The following SAMMSON variants were observed in gnomAD, a reference collection of about 807,000 sequenced individuals.
SAMMSON encodes the protein survival associated mitochondrial melanoma specific oncogenic non-coding RNA.
chr3:70,130,597 G>A lies in SAMMSON; in HGVS notation n.507+59032G>A, dbSNP rs548147903. Among the ~76,000 whole-genome samples, 29 of 152,204 alleles carry A rather than the reference G, an allele frequency of 1.9e-4. No homozygotes were observed. The East Asian group carries it at 4.5e-3, about 23-fold the overall frequency. On this transcript the variant is annotated intron_variant and non_coding_transcript_variant, in intron 4 of 9. Transcript: ENST00000642114. ...GACTTCTGAAGTTAGCACATCAAAG[G>A]TGATGTGGCTTCTGCTTGGCCCTCA...
At chr3:70,022,077 C>T (rs374017461) in intron 3 of SAMMSON, among the ~76,000 whole-genome samples, 15 of 152,106 alleles carry the variant, frequency 9.9e-5, no homozygotes, top group African/African-American at 2.4e-4. Context: ...AACATCTTAA[C>T]GAGAAGGGCC....
intron 9 of SAMMSON, among the ~76,000 whole-genome samples, chr3:70,362,567 G>A (rs531239623): frequency 1.3e-5 from 2 of 151,716 alleles, no homozygotes; most frequent in Admixed American, 6.6e-5. Flanking sequence ...AACAGATAAA[G>A]GCAGAGACTG....
chr3:70,277,204 C>A (rs191455640), intron 6 of SAMMSON, among the ~76,000 whole-genome samples: 2 of 152,084 alleles, frequency 1.3e-5, no homozygotes, highest in African/African-American at 4.8e-5. Flanking sequence ...GAACATAGCC[C>A]GTATCTCCAG....
intron 9 of SAMMSON, among the ~76,000 whole-genome samples, chr3:70,362,826 A>G (rs1702883870): frequency 3.1e-5 from 4 of 130,942 alleles, no homozygotes; most frequent in African/African-American, 1.2e-4. Flanking sequence ...TTTTTTCTCC[A>G]GTGGCTGCTT....
At chr3:70,164,949 T>C (rs2067631098) in intron 4 of SAMMSON, among the ~76,000 whole-genome samples, 1 of 152,028 alleles carries the variant, frequency 6.6e-6, no homozygotes, top group Non-Finnish European at 1.5e-5. Context: ...GCATAATATT[T>C]TGAAGAAACA....
intron 4 of SAMMSON, among the ~76,000 whole-genome samples, chr3:70,162,094 C>T (rs1029829372): frequency 4.6e-5 from 7 of 151,706 alleles, no homozygotes; most frequent in African/African-American, 1.2e-4. Flanking sequence ...GTTTTGGTTT[C>T]ATTGATTTTA....
rs1559585667 is a variant in SAMMSON at position 70,419,198 on chromosome 3, C to CT, written n.234-43362_234-43361insT. 3.7e-3 allele frequency among the ~76,000 whole-genome samples: 560 copies of CT among 149,384 alleles called. 3 individuals are homozygous for CT. The highest frequency in any genetic ancestry group is 0.013 in the African/African-American group (535 of 40,658). The stretch of plus-strand genomic sequence containing the variant: ...TGCCACCACGCATGGCTAATTATTG[C>CT]GTTTTTTTTTCTTTTGAAGAGATAG... On this transcript the variant is annotated intron_variant and non_coding_transcript_variant, in intron 2 of 3. Transcript: ENST00000641053.
intron 4 of SAMMSON, among the ~76,000 whole-genome samples, chr3:70,142,726 T>G (rs1244564842): frequency 6.6e-6 from 1 of 152,068 alleles, no homozygotes; most frequent in Non-Finnish European, 1.5e-5. Flanking sequence ...ATTTATTAAT[T>G]TTGTCAGTCA....
At chr3:70,118,339 T>C (rs1359200354) in intron 4 of SAMMSON, among the ~76,000 whole-genome samples, 1 of 152,234 alleles carries the variant, frequency 6.6e-6, no homozygotes, top group Non-Finnish European at 1.5e-5. Flanking sequence ...TTCTCCATTG[T>C]TGTTACATTG....
At chr3:70,155,957 G>T (rs2067590465) in intron 4 of SAMMSON, among the ~76,000 whole-genome samples, 3 of 151,978 alleles carry the variant, frequency 2.0e-5, no homozygotes, top group South Asian at 2.1e-4. Flanking sequence ...AGCACTCAAG[G>T]GTTTCATAAC....
chr3:70,379,440 T>C (rs1703046285), intron 9 of SAMMSON, among the ~76,000 whole-genome samples: 1 of 152,144 alleles, frequency 6.6e-6, no homozygotes, highest in South Asian at 2.1e-4. Context: ...TCAACACCTG[T>C]GAAGGCAGGA....
At chr3:70,050,130 C>T (rs1352304646) in intron 3 of SAMMSON, among the ~76,000 whole-genome samples, 1 of 152,038 alleles carries the variant, frequency 6.6e-6, no homozygotes, top group African/African-American at 2.4e-5. Context: ...ATGCTAGTGG[C>T]CAGAGAGAAG....
intron 7 of SAMMSON, chr3:70,302,532 A>G (rs568322365): frequency 6.6e-6 from 1 of 152,176 alleles, no homozygotes; most frequent in Non-Finnish European, 1.5e-5. Context: ...CTTGTAGGAA[A>G]ATGAATGATT....
chr3:70,252,871 G>C (rs904593585), intron 6 of SAMMSON, among the ~76,000 whole-genome samples: 1 of 151,912 alleles, frequency 6.6e-6, no homozygotes, highest in Non-Finnish European at 1.5e-5. Context: ...CCTGAGGTCA[G>C]GAGTTCGAGA....
At chr3:70,143,113 T>C (rs2067534544) in intron 4 of SAMMSON, among the ~76,000 whole-genome samples, 1 of 152,114 alleles carries the variant, frequency 6.6e-6, no homozygotes, top group Non-Finnish European at 1.5e-5. Flanking sequence ...TACTTGACCA[T>C]TTGCTTTCCC....
intron 8 of SAMMSON, among the ~76,000 whole-genome samples, chr3:70,356,737 A>G (rs1217542721): frequency 6.6e-6 from 1 of 152,048 alleles, no homozygotes; most frequent in African/African-American, 2.4e-5. Flanking sequence ...AGTTAAATTG[A>G]TGTTTCTTTC....
intron 6 of SAMMSON, among the ~76,000 whole-genome samples, chr3:70,287,618 G>T (rs1445691179): frequency 1.3e-5 from 2 of 152,126 alleles, no homozygotes; most frequent in Non-Finnish European, 2.9e-5. Flanking sequence ...GATTGGAATA[G>T]TTTCAGAAGG....
intron 7 of SAMMSON, among the ~76,000 whole-genome samples, chr3:70,314,395 T>C (rs1702481029): frequency 1.3e-5 from 2 of 152,212 alleles, no homozygotes; most frequent in African/African-American, 4.8e-5. Context: ...CAGTGTTTGA[T>C]GTCACTTCCT....
chr3:70,364,922 G>A (rs556893704), intron 9 of SAMMSON, among the ~76,000 whole-genome samples: 7 of 151,282 alleles, frequency 4.6e-5, no homozygotes, highest in Admixed American at 2.6e-4. Context: ...TATAAATCCC[G>A]CATCTCTTTC....
Sources: allele counts gnomAD v4.1 joint callset (sites outside exome capture counted in the v4.1 genomes callset), GRCh38; gene constraint gnomAD v4.1.1; transcripts MANE v1.5; gene names NCBI Gene and HGNC (gene_info 2026-07-23, HGNC 2026-07-21).